KAT6A: variants seen among roughly 807,000 people sequenced by gnomAD.
KAT6A encodes the protein histone acetyltransferase KAT6A.
KAT6A carries 9 observed loss-of-function variants against 198.4 expected under a neutral mutation model. The ratio of observed to expected loss-of-function variants is 0.05; its 90% confidence interval spans 0.03 to 0.08. KAT6A has a LOEUF of 0.08. KAT6A is among the 10% of genes least tolerant of loss of function. The probability of loss-of-function intolerance (pLI) is 1.00; values close to 1 mark genes in which losing one functional copy is unlikely to be tolerated. For missense variants in KAT6A, 2,077 were observed against 2,509.9 expected, an observed-to-expected ratio of 0.83 and a Z score of 3.69; for synonymous variants, 890 against 883.0, an observed-to-expected ratio of 1.01 and a Z score of -0.14.
intron 9 of KAT6A, among the ~76,000 whole-genome samples, chr8:41,951,578 G>A (rs1270297948): frequency 6.6e-6 from 1 of 152,092 alleles, no homozygotes; most frequent in Non-Finnish European, 1.5e-5. Context: ...GTAGCTGTAC[G>A]GTGGCTTTGA....
rs1309560982 is a variant in KAT6A, at chr8:41,957,166, C to T, written c.1483-1755G>A. ...TCCAGTACAGCTGTTTGCACATCACCACAACTGCGCACGTCTGTCCAGAAT... is the reference window on the plus strand; with the variant it reads ...TCCAGTACAGCTGTTTGCACATCACTACAACTGCGCACGTCTGTCCAGAAT... On this transcript the variant is annotated intron_variant, in intron 8 of 16. Transcript: ENST00000265713. 3 of 594,402 alleles carry T rather than the reference C, an allele frequency of 5.0e-6. No homozygotes were observed. The African/African-American group carries it at 5.5e-5, about 11-fold the overall frequency. 36.8% of individuals were successfully genotyped at this position (594,402 alleles called of 1,614,324 possible).
At chr8:41,957,329 C>A in intron 8 of KAT6A, 1 of 551,746 alleles carries the variant, frequency 1.8e-6, no homozygotes, top group South Asian at 1.4e-5. Context: ...AAGGGTGTTT[C>A]CTTTTACGAA....
Position 41,934,506 on chromosome 8 carries a change from C to G in KAT6A, c.3714G>C (p.Glu1238Asp). The G allele has an allele frequency of 6.2e-7, 1 of 1,613,114 alleles. No homozygotes were observed. The highest frequency in any genetic ancestry group is 8.5e-7 in the Non-Finnish European group (1 of 1,179,536). The change falls in exon 17 of 17, where the codon GAG becomes GAC. Residue 1238 changes from glutamate to aspartate, a missense_variant. Physicochemically the swap from Glu to Asp is conservative, Grantham distance 45. Transcript: ENST00000265713. ...TGCTGGCTGCATCCTCTTCCTCACC[C>G]TCTTCAGCCTCTTCTGCCTCTGCTT... ...EMQAEAEEAE[E>D]GEEEDAASSE...
chr8:41,950,801 T>C (rs1587732195), intron 9 of KAT6A, among the ~76,000 whole-genome samples: 1 of 152,218 alleles, frequency 6.6e-6, no homozygotes, highest in African/African-American at 2.4e-5. Flanking sequence ...TTATGTTAGC[T>C]AGATTTAGTC....
At chr8:41,968,211 T>A (rs1823606936) in intron 8 of KAT6A, among the ~76,000 whole-genome samples, 1 of 152,132 alleles carries the variant, frequency 6.6e-6, no homozygotes, top group African/African-American at 2.4e-5. Flanking sequence ...GACAAAATTT[T>A]TGCAACCTAC....
intron 2 of KAT6A, among the ~76,000 whole-genome samples, chr8:42,030,074 T>A (rs1827027623): frequency 1.3e-5 from 2 of 152,018 alleles, no homozygotes; most frequent in South Asian, 4.2e-4. Flanking sequence ...GATATGGAGA[T>A]TCAAGGGCAA....
Position 41,934,884 on chromosome 8 carries a change from A to G in KAT6A, c.3353-17T>C. 1 of 1,562,492 alleles carries G rather than the reference A, an allele frequency of 6.4e-7. No homozygotes were observed. Among genetic ancestry groups the G allele is most frequent in the Non-Finnish European group, 8.6e-7 (1 of 1,158,080 alleles). ...TAGGAGTGTCTATACAGGAAGGAAA[A>G]AAAACAAAGACAGGTTACAAGGTCT... On this transcript the variant is annotated splice_polypyrimidine_tract_variant and intron_variant, in intron 16 of 16. Transcript: ENST00000265713.
At chr8:41,999,648 C>A (rs1825388368) in intron 2 of KAT6A, among the ~76,000 whole-genome samples, 2 of 152,190 alleles carry the variant, frequency 1.3e-5, no homozygotes, top group African/African-American at 2.4e-5. Context: ...AACTACCTTT[C>A]TCACTCTATC....
chr8:41,991,791 G>C (rs957668182), intron 2 of KAT6A, among the ~76,000 whole-genome samples: 10 of 152,018 alleles, frequency 6.6e-5, no homozygotes, highest in African/African-American at 2.4e-4. Context: ...GAACGTGGAG[G>C]GGGCAGAAAA....
chr8:41,988,336 A>C (rs982643487), intron 2 of KAT6A, among the ~76,000 whole-genome samples: 1 of 152,232 alleles, frequency 6.6e-6, no homozygotes, highest in South Asian at 2.1e-4. Context: ...GAAGACTGCC[A>C]CCGAAGGTAA....
intron 2 of KAT6A, among the ~76,000 whole-genome samples, chr8:42,025,839 T>C (rs2150918796): frequency 6.6e-6 from 1 of 152,370 alleles, no homozygotes; most frequent in Middle Eastern, 3.4e-3. Flanking sequence ...CCTGTATCAA[T>C]GTCCTTAAGC....
chr8:41,967,112 C>T (rs968051976), intron 8 of KAT6A, among the ~76,000 whole-genome samples: 1 of 151,986 alleles, frequency 6.6e-6, no homozygotes, highest in African/African-American at 2.4e-5. Context: ...CATACAAAAA[C>T]CAAAGGAATC....
At chr8:42,011,362 T>C (rs1286848730) in intron 2 of KAT6A, among the ~76,000 whole-genome samples, 1 of 152,214 alleles carries the variant, frequency 6.6e-6, no homozygotes, top group Non-Finnish European at 1.5e-5. Flanking sequence ...AGTTCCTACA[T>C]TACCTTCTTT....
intron 2 of KAT6A, among the ~76,000 whole-genome samples, chr8:41,999,025 T>C (rs1825360545): frequency 6.6e-6 from 1 of 152,138 alleles, no homozygotes; most frequent in Non-Finnish European, 1.5e-5. Flanking sequence ...ACTTCTACAA[T>C]TAGACATCAA....
chr8:41,989,523 AACGTAACGTGACGTGACGTG>A (rs1460453256), intron 2 of KAT6A, among the ~76,000 whole-genome samples: 3 of 144,418 alleles, frequency 2.1e-5, no homozygotes, highest in Non-Finnish European at 4.6e-5. Flanking sequence ...AAAATAACAT[AACGTAACGTGACGTGACGTG>A]ACGTGACGTG....
chr8:41,940,710 G>A (rs1336770930), intron 15 of KAT6A, 132 bp downstream of exon 15: 2 of 1,087,706 alleles, frequency 1.8e-6, no homozygotes, highest in African/African-American at 3.1e-5. Flanking sequence ...ACAATATACA[G>A]AGGCTTAAGG....
intron 2 of KAT6A, among the ~76,000 whole-genome samples, chr8:42,021,467 A>G (rs1162931745): frequency 6.6e-6 from 1 of 152,248 alleles, no homozygotes; most frequent in Non-Finnish European, 1.5e-5. Flanking sequence ...TTTGTAATTT[A>G]GGTACTATTA....
At position 41,974,829 on chromosome 8, in the gene KAT6A, A is replaced by G; in HGVS notation, c.1364-7T>C. ...TCCCAGCCATCCTGATTGTCTACATATAAAAAAAGAGCTCACATGTTAACT... is the reference window on the plus strand; with the variant it reads ...TCCCAGCCATCCTGATTGTCTACATGTAAAAAAAGAGCTCACATGTTAACT... On this transcript the variant is annotated splice_polypyrimidine_tract_variant and splice_region_variant and intron_variant, in intron 7 of 16. Coordinates refer to ENST00000265713, the MANE Select transcript of KAT6A (RefSeq NM_006766.5). 2 of 1,572,778 alleles carry G rather than the reference A, an allele frequency of 1.3e-6. No individual in the cohort carries two copies. Among genetic ancestry groups the G allele is most frequent in the Non-Finnish European group, 1.7e-6 (2 of 1,147,294 alleles).
intron 2 of KAT6A, among the ~76,000 whole-genome samples, chr8:42,025,062 A>C (rs1826734959): frequency 6.6e-6 from 1 of 152,142 alleles, no homozygotes; most frequent in South Asian, 2.1e-4. Context: ...CATTCTCACA[A>C]CGATGTATAA....
Sources: allele counts gnomAD v4.1 joint callset (sites outside exome capture counted in the v4.1 genomes callset), GRCh38; gene constraint gnomAD v4.1.1; transcripts MANE v1.5; gene names NCBI Gene and HGNC (gene_info 2026-07-23, HGNC 2026-07-21).